TMEM131L: variants seen among roughly 807,000 people sequenced by gnomAD.
TMEM131L encodes the protein transmembrane 131 like.
Under a neutral mutation model 192.2 loss-of-function variants are expected in TMEM131L, and 54 were observed. The ratio of observed to expected loss-of-function variants is 0.28; its 90% CI spans 0.23 to 0.35. TMEM131L has a LOEUF of 0.35. Ranked by LOEUF, TMEM131L falls within the 10% of genes least tolerant of loss-of-function variation. The pLI is 1.00. For synonymous variants in TMEM131L, 701 were observed against 704.9 expected (o/e 0.99, Z 0.09); for missense variants, 1,888 against 1,972.9 (o/e 0.96, Z 0.82).
Position 153,631,070 on chromosome 4 carries a change from C to G in TMEM131L, c.4208-1648C>G, listed in dbSNP as rs995765702. Among the ~76,000 whole-genome samples the G allele has an allele frequency of 8.5e-5, 13 of 152,350 alleles. No individual in the cohort carries two copies. In the East Asian group the frequency reaches 1.7e-3, roughly 20 times the overall value. On this transcript the variant is annotated intron_variant, in intron 31 of 34. Coordinates refer to ENST00000409959, the MANE Select transcript of TMEM131L (RefSeq NM_001131007.2). The stretch of plus-strand genomic sequence containing the variant: ...AGGGTTTCTTCAGGGCAGAATTAGC[C>G]AGAGCTGTGAGAACCACTTTGGGTT...
chr4:153,629,758 C>T (rs1025598988), intron 31 of TMEM131L, among the ~76,000 whole-genome samples: 6 of 152,138 alleles, frequency 3.9e-5, no homozygotes, highest in African/African-American at 4.8e-5. Context: ...AGACACTGGA[C>T]GTTCTATTCT....
At chr4:153,552,410 G>C (rs1391413544) in intron 4 of TMEM131L, among the ~76,000 whole-genome samples, 1 of 152,126 alleles carries the variant, frequency 6.6e-6, no homozygotes, top group African/African-American at 2.4e-5. Context: ...GATGCACATG[G>C]GGGTATGTTT....
intron 15 of TMEM131L, among the ~76,000 whole-genome samples, chr4:153,588,344 T>G (rs1383494854): frequency 1.3e-5 from 2 of 150,216 alleles, no homozygotes; most frequent in South Asian, 2.1e-4. Context: ...ATAGTTTTTT[T>G]TTTTTTTTTT....
intron 3 of TMEM131L, among the ~76,000 whole-genome samples, chr4:153,478,728 G>C (rs548149591): frequency 6.6e-6 from 1 of 152,002 alleles, no homozygotes; most frequent in South Asian, 2.1e-4. Flanking sequence ...TTTATACTTT[G>C]GGTTATAATC....
chr4:153,588,775 T>C (rs1257138701), intron 15 of TMEM131L, 115 bp from the exon 16 acceptor site: 1 of 606,324 alleles, frequency 1.6e-6, no homozygotes. Flanking sequence ...AGGTGGCATT[T>C]ATTAACTCTA....
chr4:153,505,954 C>A (rs899583525), intron 3 of TMEM131L, among the ~76,000 whole-genome samples: 1 of 152,100 alleles, frequency 6.6e-6, no homozygotes, highest in African/African-American at 2.4e-5. Flanking sequence ...TCAGATATTT[C>A]GTACCAGATC....
At chr4:153,598,836 T>G (rs1731630176) in intron 21 of TMEM131L, 104 bp downstream of exon 21, 14 of 957,330 alleles carry the variant, frequency 1.5e-5, no homozygotes, top group Non-Finnish European at 1.8e-5. Context: ...TTTTAAATTT[T>G]TAAATTCTAA....
intron 25 of TMEM131L, among the ~76,000 whole-genome samples, chr4:153,604,830 G>GAGT (rs1472868678): frequency 6.6e-6 from 1 of 151,980 alleles, no homozygotes; most frequent in Non-Finnish European, 1.5e-5. Context: ...TCAGTCTCTC[G>GAGT]AGTAGCTGGG....
In TMEM131L at chr4:153,487,400, C is replaced by T. The variant is rs62324699; in HGVS notation, c.239+13512C>T. On this transcript the variant is annotated intron_variant, in intron 3 of 34. Coordinates refer to ENST00000409959, the MANE Select transcript of TMEM131L (RefSeq NM_001131007.2). ...CCGAAGAAGTTCTGCTGCAATGATG[C>T]ACATGGGGGTGGGGTTCCAGGCTGA... Among the ~76,000 whole-genome samples, 962 of 152,144 alleles carry T rather than the reference C, an allele frequency of 6.3e-3. 5 individuals carry two copies. The highest frequency in any genetic ancestry group is 0.01 in the Middle Eastern group (3 of 294).
chr4:153,615,294 T>G (rs1732899420), intron 26 of TMEM131L, among the ~76,000 whole-genome samples: 1 of 152,200 alleles, frequency 6.6e-6, no homozygotes, highest in African/African-American at 2.4e-5. Flanking sequence ...TAATAATGAT[T>G]CCTACCAACA....
chr4:153,565,219 A>G (rs1042579693), intron 7 of TMEM131L, among the ~76,000 whole-genome samples: 1 of 152,086 alleles, frequency 6.6e-6, no homozygotes, highest in Non-Finnish European at 1.5e-5. Flanking sequence ...CATTATTATA[A>G]TCTCTATCAA....
At chr4:153,603,561 T>G in intron 24 of TMEM131L, 109 bp downstream of exon 24, 2 of 1,304,430 alleles carry the variant, frequency 1.5e-6, no homozygotes, top group Non-Finnish European at 2.1e-6. Context: ...TACATTTGCT[T>G]TCATAAAATT....
At chr4:153,488,961 C>T (rs555299908) in intron 3 of TMEM131L, among the ~76,000 whole-genome samples, 10 of 152,296 alleles carry the variant, frequency 6.6e-5, no homozygotes, top group African/African-American at 2.2e-4. Context: ...CGTATAAGGA[C>T]ACCAGTTATA....
chr4:153,535,266 G>T (rs1396955694), intron 3 of TMEM131L, among the ~76,000 whole-genome samples: 3 of 152,202 alleles, frequency 2.0e-5, no homozygotes, highest in Admixed American at 6.5e-5. Context: ...GCTGTGGGCA[G>T]TTGGGTGTGG....
chr4:153,562,703 A>G (rs1019489971), intron 7 of TMEM131L, among the ~76,000 whole-genome samples: 2 of 152,178 alleles, frequency 1.3e-5, no homozygotes, highest in African/African-American at 4.8e-5. Flanking sequence ...ATAGAGCTAG[A>G]AAGTATATCT....
rs1730337306 is a variant in TMEM131L, at chr4:153,581,435, T to A, written c.767T>A (p.Leu256Ter). 1 of 1,583,568 alleles carries A rather than the reference T, an allele frequency of 6.3e-7. No individual in the cohort carries two copies. The highest frequency in any genetic ancestry group is 8.6e-7 in the Non-Finnish European group (1 of 1,163,814). The change falls in exon 9 of 35, where the codon TTG (leucine) becomes TAG (stop). Residue 256 changes from leucine to a stop codon, truncating the protein, a stop_gained. Coordinates refer to ENST00000409959, the MANE Select transcript of TMEM131L (RefSeq NM_001131007.2). LOFTEE classifies it high-confidence loss of function. ...KGCYLESDDV[L>*]RLQMSIMVTM... ...TGTTATCTGGAATCTGATGATGTTT[T>A]GCGTCTACAAATGAGCATAATGGTA... is the stretch of plus-strand genomic sequence containing the variant.
At chr4:153,550,186 A>G (rs1580192812) in intron 4 of TMEM131L, 45 bp downstream of exon 4, 3 of 808,844 alleles carry the variant, frequency 3.7e-6, no homozygotes, top group African/African-American at 1.8e-5. Flanking sequence ...TATTTATACT[A>G]TTTATTTTCA....
intron 3 of TMEM131L, among the ~76,000 whole-genome samples, chr4:153,543,897 C>T (rs765983933): frequency 2.6e-5 from 4 of 151,968 alleles, no homozygotes; most frequent in Non-Finnish European, 4.4e-5. Context: ...GTAAGTGTCT[C>T]GTTAGCATAA....
At chr4:153,602,108 T>A in intron 21 of TMEM131L, 44 bp from the exon 22 acceptor site, 1 of 1,114,678 alleles carries the variant, frequency 9.0e-7, no homozygotes, top group Non-Finnish European at 1.3e-6. Flanking sequence ...TAAATAAATT[T>A]TATAGTTCAC....
Sources: allele counts gnomAD v4.1 joint callset (sites outside exome capture counted in the v4.1 genomes callset), GRCh38; gene constraint gnomAD v4.1.1; transcripts MANE v1.5; gene names NCBI Gene and HGNC (gene_info 2026-07-23, HGNC 2026-07-21).